The following CDKL5 variants were observed in gnomAD, a reference collection of about 807,000 sequenced individuals.
The protein encoded by CDKL5 is cyclin-dependent kinase-like 5.
CDKL5 carries 8 observed loss-of-function variants against 61.7 expected under a neutral mutation model. The ratio of observed to expected loss-of-function variants is 0.13; its 90% CI spans 0.08 to 0.23. The LOEUF is 0.23. CDKL5 is among the 10% of genes least tolerant of loss of function. CDKL5 has a pLI of 1.00. For missense variants in CDKL5, 440 were observed against 734.5 expected (o/e 0.60, Z 4.63); for synonymous variants, 275 against 272.3 (o/e 1.01, Z -0.10).
chrX:18,474,144 G>T (rs1026600314), intron 1 of CDKL5, among the ~76,000 whole-genome samples: 7 of 111,160 alleles, frequency 6.3e-5, no homozygotes, highest in Non-Finnish European at 1.3e-4. Context: ...AGGATGACAG[G>T]CCTGAGCCAC....
intron 1 of CDKL5, chrX:18,426,541 A>C (rs1358271992): frequency 1.8e-5 from 2 of 112,654 alleles, no homozygotes; most frequent in Non-Finnish European, 3.7e-5. Context: ...CCTGAATAAG[A>C]AAAGCCTGAC....
At chrX:18,520,778 C>T (rs1923216210) in intron 3 of CDKL5, among the ~76,000 whole-genome samples, 2 of 111,991 alleles carry the variant, frequency 1.8e-5, no homozygotes, top group South Asian at 3.8e-4. Context: ...GACAAAGTCT[C>T]ACTCTGTCGC....
At chrX:18,429,466 G>A (rs747402083) in intron 1 of CDKL5, among the ~76,000 whole-genome samples, 1 of 111,557 alleles carries the variant, frequency 9.0e-6, no homozygotes, top group African/African-American at 3.3e-5. Flanking sequence ...CTATGAAGTA[G>A]GTCTTCTTAC....
intron 10 of CDKL5, among the ~76,000 whole-genome samples, chrX:18,597,795 C>T (rs972698854): frequency 1.8e-5 from 2 of 109,402 alleles, no homozygotes; most frequent in Admixed American, 2.0e-4. Context: ...GGGTTTTCAC[C>T]GTGCTGGTCA....
At chrX:18,480,857 C>CTTTT (rs200858035) in intron 1 of CDKL5, among the ~76,000 whole-genome samples, 1 of 96,630 alleles carries the variant, frequency 1.0e-5, no homozygotes, top group South Asian at 4.8e-4. Flanking sequence ...TTCTTTCTTC[C>CTTTT]TTTTTTTTTT....
In CDKL5 at chrX:18,630,392, T is replaced by C; in HGVS notation, c.*1635T>C. The stretch of plus-strand genomic sequence containing the variant: ...TTTGGAATTAGTCTCTGAGCAATAA[T>C]ACTTTTAAAGGTCCCTCCCACCCCT... On this transcript the variant is annotated 3_prime_UTR_variant, in exon 18 of 18. Transcript: ENST00000623535. The C allele has an allele frequency of 1.3e-6, 1 of 752,827 alleles. No homozygotes were observed. The highest frequency in any genetic ancestry group is 1.6e-6 in the Non-Finnish European group (1 of 638,274). The allele number at this position is 752,827 out of a possible 1,213,427, so 62.0% of individuals were successfully genotyped here. A position where few individuals can be genotyped will look rare whatever the true frequency, so the allele number is the denominator to read the frequency against.
chrX:18,432,130 G>A (rs763074634), intron 1 of CDKL5, among the ~76,000 whole-genome samples: 3 of 95,069 alleles, frequency 3.2e-5, no homozygotes, highest in East Asian at 3.3e-4. Flanking sequence ...ATGGAGGCTC[G>A]CTCTGTCACC....
intron 4 of CDKL5, among the ~76,000 whole-genome samples, chrX:18,565,689 T>C (rs761125189): frequency 8.9e-6 from 1 of 112,297 alleles, no homozygotes; most frequent in African/African-American, 3.2e-5. Context: ...CCAGGATAGA[T>C]GTAGTAGTAT....
intron 1 of CDKL5, 106 bp from the exon 2 acceptor site, chrX:18,506,829 A>G: frequency 3.2e-6 from 1 of 314,794 alleles, no homozygotes. Flanking sequence ...TAAGTGTATA[A>G]AACATTAAAA....
chrX:18,524,372 T>C (rs1376744662), intron 3 of CDKL5, among the ~76,000 whole-genome samples: 1 of 112,337 alleles, frequency 8.9e-6, no homozygotes, highest in Non-Finnish European at 1.9e-5. Context: ...CAAGCCTTCC[T>C]CTGGTAGTTG....
At chrX:18,650,242 G>A (rs185448144) in intron 20 of CDKL5, 5 of 507,640 alleles carry the variant, frequency 9.8e-6, no homozygotes, top group Non-Finnish European at 1.7e-5. Context: ...GAGAATGTGT[G>A]GCTCACTCTG....
At chrX:18,587,082 A>G (rs897847118) in intron 8 of CDKL5, among the ~76,000 whole-genome samples, 12 of 111,952 alleles carry the variant, frequency 1.1e-4, no homozygotes, top group Admixed American at 1.9e-4. Flanking sequence ...TTCTTTCCAT[A>G]TTCTTTTTCA....
chrX:18,532,122 A>G (rs1433297936), intron 3 of CDKL5, among the ~76,000 whole-genome samples: 4 of 112,389 alleles, frequency 3.6e-5, no homozygotes. Flanking sequence ...TCCAGTTTAT[A>G]AATAATATTC....
rs200886180 is a variant in CDKL5 at position 18,522,101 on chromosome X, AT to A, written c.99+11249del. On this transcript the variant is annotated intron_variant, in intron 3 of 17. Coordinates refer to ENST00000623535, the MANE Select transcript of CDKL5 (RefSeq NM_001323289.2). ...AAAAGCTGTTGAAATTTTGATAGAG[AT>A]TGCAGTGACTCTGTAGATTGCTTTG... Among the ~76,000 whole-genome samples the A allele has an allele frequency of 4.4e-3, 488 of 110,486 alleles. 4 individuals are homozygous for A. Among genetic ancestry groups the A allele is most frequent in the African/African-American group, 0.015 (444 of 30,386 alleles).
In CDKL5 at chrX:18,604,264, T is replaced by G. The variant is rs758671947; in HGVS notation, c.1340T>G (p.Phe447Cys). 14 of 1,210,021 alleles carry G rather than the reference T, an allele frequency of 1.2e-5. No individual in the cohort carries two copies. Among genetic ancestry groups the G allele is most frequent in the Non-Finnish European group, 1.6e-5 (14 of 895,256 alleles). ...NSRSQQNRHS[F>C]MESSQSKAGT... ...AGATCTCAGCAGAACCGCCACTCAT[T>G]CATGGAAAGCTCTCAAAGCAAAGCT... The change falls in exon 12 of 18, where the codon TTC becomes TGC. Residue 447 changes from phenylalanine (F) to cysteine (C), a missense_variant. Transcript: ENST00000623535.
chrX:18,527,746 G>T (rs748324118), intron 3 of CDKL5, among the ~76,000 whole-genome samples: 2 of 110,561 alleles, frequency 1.8e-5, no homozygotes, highest in African/African-American at 3.3e-5. Context: ...TTTCTTCTCC[G>T]TGTTTTAGGC....
chrX:18,627,654 G>A (rs1481237486), intron 17 of CDKL5: 2 of 110,867 alleles, frequency 1.8e-5, no homozygotes, highest in African/African-American at 6.6e-5. Context: ...CAGGCAGGGC[G>A]GACCACTGTG....
At chrX:18,474,513 C>A (rs1245395158) in intron 1 of CDKL5, among the ~76,000 whole-genome samples, 1 of 112,074 alleles carries the variant, frequency 8.9e-6, no homozygotes, top group Non-Finnish European at 1.9e-5. Flanking sequence ...CTCCTTAAAA[C>A]CTTCAATAAT....
At chrX:18,576,365 A>T (rs947350015) in intron 5 of CDKL5, among the ~76,000 whole-genome samples, 10 of 112,100 alleles carry the variant, frequency 8.9e-5, no homozygotes, top group Admixed American at 1.9e-4. Context: ...GTAGTAGAAG[A>T]AACTGGAGTG....
Sources: gnomAD v4.1 joint callset for allele counts (sites outside exome capture counted in the v4.1 genomes callset) on GRCh38, gnomAD v4.1.1 for gene constraint, MANE v1.5 for transcripts, NCBI Gene and HGNC (gene_info 2026-07-23, HGNC 2026-07-21) for gene names.